CIB4: variants seen among roughly 807,000 people sequenced by gnomAD.
CIB4 encodes calcium and integrin binding family member 4.
In CIB4, 25 loss-of-function variants were observed where a neutral mutation model predicts 25.8. The observed-to-expected ratio is 0.97, with a 90% confidence interval of 0.71 to 1.35. The LOEUF (loss-of-function observed/expected upper bound fraction) is 1.35. Among genes scored for constraint, CIB4 ranks in the 40% most tolerant of loss-of-function variants. The pLI, the probability that CIB4 is intolerant of heterozygous loss-of-function variation, is 0.00. For missense variants in CIB4, 235 were observed against 228.2 expected (o/e 1.03, Z -0.19); for synonymous variants, 75 against 81.4 (o/e 0.92, Z 0.42).
chr2:26,630,504 G>A (rs1224566802), intron 2 of CIB4, among the ~76,000 whole-genome samples: 2 of 152,224 alleles, frequency 1.3e-5, no homozygotes, highest in Non-Finnish European at 2.9e-5. Context: ...TGTGGCGGGG[G>A]TTCAGTGTGA....
intron 3 of CIB4, among the ~76,000 whole-genome samples, chr2:26,613,087 A>C (rs1669027018): frequency 6.6e-6 from 1 of 152,040 alleles, no homozygotes; most frequent in African/African-American, 2.4e-5. Context: ...GGCATTCATC[A>C]TCTCTCCTCC....
intron 2 of CIB4, among the ~76,000 whole-genome samples, chr2:26,636,044 A>T (rs1163515017): frequency 6.6e-6 from 1 of 152,218 alleles, no homozygotes; most frequent in African/African-American, 2.4e-5. Context: ...TTTTTGCTTA[A>T]TATTTACATG....
chr2:26,614,756 C>A (rs1669059834), intron 3 of CIB4, among the ~76,000 whole-genome samples: 1 of 152,202 alleles, frequency 6.6e-6, no homozygotes, highest in Non-Finnish European at 1.5e-5. Flanking sequence ...AAGGGCTGAG[C>A]CACAGAATCC....
At chr2:26,631,321 G>A (rs947091944) in intron 2 of CIB4, among the ~76,000 whole-genome samples, 3 of 152,120 alleles carry the variant, frequency 2.0e-5, no homozygotes, top group African/African-American at 4.8e-5. Flanking sequence ...CAAAAAAATT[G>A]AAAATTAGCC....
chr2:26,605,251 A>G (rs554792015), intron 3 of CIB4, among the ~76,000 whole-genome samples: 22 of 152,368 alleles, frequency 1.4e-4, no homozygotes, highest in Admixed American at 4.6e-4. Flanking sequence ...ATGGAAATTA[A>G]TAGCATTAAA....
intron 3 of CIB4, chr2:26,605,676 A>C: frequency 5.4e-6 from 2 of 372,874 alleles, no homozygotes; most frequent in South Asian, 4.0e-5. Flanking sequence ...CACAGACCCA[A>C]CAAGTGAGCA....
intron 3 of CIB4, among the ~76,000 whole-genome samples, chr2:26,610,847 C>G (rs1357322696): frequency 6.6e-6 from 1 of 152,094 alleles, no homozygotes; most frequent in Middle Eastern, 3.2e-3. Context: ...ATTACTTAAC[C>G]AAATAAGAGG....
At chr2:26,616,275 G>A (rs1166079832) in intron 3 of CIB4, among the ~76,000 whole-genome samples, 1 of 152,234 alleles carries the variant, frequency 6.6e-6, no homozygotes, top group East Asian at 1.9e-4. Context: ...ATGCAGCATG[G>A]TGGCCGTGCC....
chr2:26,589,099 TTCTTCTTCC>T lies in CIB4; in HGVS notation c.329-5210_329-5202del, dbSNP rs1269498100. Among the ~76,000 whole-genome samples the T allele has an allele frequency of 3.7e-3, 282 of 75,300 alleles. 29 individuals are homozygous for T. The highest frequency in any genetic ancestry group is 7.1e-3 in the Middle Eastern group (1 of 140). The allele number at this position is 75,300 out of a possible 152,430, so 49.4% of individuals were successfully genotyped here. On this transcript the variant is annotated intron_variant, in intron 4 of 6. Coordinates refer to ENST00000288861, the MANE Select transcript of CIB4 (RefSeq NM_001029881.3). ...CTTCTTCTTCTTCTTCTTCTTCTTC[TTCTTCTTCC>T]TCTTCTTCTTCTTCTTCTTCTTCTT...
intron 4 of CIB4, among the ~76,000 whole-genome samples, chr2:26,590,258 TAAAAAAAAAAAAA>T (rs869097756): frequency 4.9e-5 from 3 of 61,830 alleles, no homozygotes; most frequent in Admixed American, 3.1e-4. Context: ...CAAGCATCTG[TAAAAAAAAAAAAA>T]AAAAAAAAAA....
chr2:26,597,426 T>TA (rs374182652), intron 3 of CIB4, among the ~76,000 whole-genome samples: 19,558 of 138,140 alleles, frequency 0.14, 1,416 homozygotes, highest in African/African-American at 0.21. Flanking sequence ...CGACAGCTAT[T>TA]AAAAAAAAAA....
intron 3 of CIB4, among the ~76,000 whole-genome samples, chr2:26,601,245 T>A (rs1191394353): frequency 0.022 from 1,882 of 85,776 alleles, 110 homozygotes; most frequent in African/African-American, 0.047. Flanking sequence ...TATATATATA[T>A]ATATATATAT....
chr2:26,583,911 G>A lies in CIB4; in HGVS notation c.329-13C>T, dbSNP rs375565203. 3 of 1,540,456 alleles carry A rather than the reference G, an allele frequency of 1.9e-6. No individual in the cohort carries two copies. The highest frequency in any genetic ancestry group is 2.7e-5 in the African/African-American group (2 of 73,564). On this transcript the variant is annotated splice_polypyrimidine_tract_variant and intron_variant, in intron 4 of 6. Coordinates refer to ENST00000288861, the MANE Select transcript of CIB4 (RefSeq NM_001029881.3). ...TTCTCATTAAAATCTGCAAAGAAGAGGCCAGGCCTGCATTAGACGGAGCTG... is the reference window on the plus strand; with the variant it reads ...TTCTCATTAAAATCTGCAAAGAAGAAGCCAGGCCTGCATTAGACGGAGCTG...
chr2:26,626,837 C>T (rs1669319016), intron 3 of CIB4, among the ~76,000 whole-genome samples: 1 of 152,160 alleles, frequency 6.6e-6, no homozygotes, highest in Admixed American at 6.5e-5. Flanking sequence ...CACCCCACCC[C>T]TAACCCCAAC....
At position 26,629,147 on chromosome 2, in the gene CIB4, GC is replaced by G. The variant is rs1669365520; in HGVS notation, c.186+262del. Among the ~76,000 whole-genome samples the G allele has an allele frequency of 2.0e-5, 3 of 152,204 alleles. No individual in the cohort carries two copies. The South Asian group carries it at 6.2e-4, about 32-fold the overall frequency. ...AGGTCTCATGCCCCATCTGCCCCTGGCCCCACCTGAGAAGTAGTGACTGTTA... is the reference window on the plus strand; with the variant it reads ...AGGTCTCATGCCCCATCTGCCCCTGGCCCACCTGAGAAGTAGTGACTGTTA... On this transcript the variant is annotated intron_variant, in intron 3 of 6. Coordinates refer to ENST00000288861, the MANE Select transcript of CIB4 (RefSeq NM_001029881.3).
chr2:26,589,213 T>C (rs560112792), intron 4 of CIB4, among the ~76,000 whole-genome samples: 1 of 145,026 alleles, frequency 6.9e-6, no homozygotes, highest in Admixed American at 6.9e-5. Flanking sequence ...CTTCCTCTTC[T>C]TCTTCCTCCT....
At chr2:26,585,229 C>T (rs1572536816) in intron 4 of CIB4, among the ~76,000 whole-genome samples, 1 of 151,300 alleles carries the variant, frequency 6.6e-6, no homozygotes, top group Admixed American at 6.6e-5. Flanking sequence ...GAGACCGAGG[C>T]ACCCTGGGGA....
At chr2:26,588,995 T>C (rs543893978) in intron 4 of CIB4, among the ~76,000 whole-genome samples, 1 of 8,626 alleles carries the variant, frequency 1.2e-4, no homozygotes, top group Non-Finnish European at 2.6e-4. Flanking sequence ...TTCTTCTTCT[T>C]CTTCTTCTTC....
intron 3 of CIB4, among the ~76,000 whole-genome samples, chr2:26,620,720 C>A (rs143471623): frequency 6.6e-6 from 1 of 152,264 alleles, no homozygotes; most frequent in African/African-American, 2.4e-5. Context: ...TAGCAACCAC[C>A]CTTCAGTCAT....
Sources: gnomAD v4.1 joint callset for allele counts (sites outside exome capture counted in the v4.1 genomes callset) on GRCh38, gnomAD v4.1.1 for gene constraint, MANE v1.5 for transcripts, NCBI Gene and HGNC (gene_info 2026-07-23, HGNC 2026-07-21) for gene names.